The following LINGO2 variants were observed in gnomAD, a reference collection of about 807,000 sequenced individuals.
The protein encoded by LINGO2 is leucine-rich repeat and immunoglobulin-like domain-containing nogo receptor-interacting protein 2.
LINGO2 carries 14 observed loss-of-function variants against 30.6 expected under a neutral mutation model. The ratio of observed to expected loss-of-function variants is 0.46; its 90% CI spans 0.30 to 0.72. The LOEUF is 0.72. LINGO2 is among the 30% of genes least tolerant of loss of function. The probability of loss-of-function intolerance (pLI) is 0.07; values close to 1 mark genes in which losing one functional copy is unlikely to be tolerated. For missense variants in LINGO2, 729 were observed against 751.7 expected (o/e 0.97, Z 0.35); for synonymous variants, 317 against 288.5 (o/e 1.10, Z -1.00).
chr9:29,047,051 A>AAAAAAAAACAAAAAAAC, the LINGO2 span, among the ~76,000 whole-genome samples: 9 of 106,982 alleles, frequency 8.4e-5, no homozygotes, highest in African/African-American at 3.0e-4. Context: ...AAAAAAAAAA[A>AAAAAAAAACAAAAAAAC]CCAAAAACAA....
intron 5 of LINGO2, among the ~76,000 whole-genome samples, chr9:28,006,028 C>T (rs975270739): frequency 3.9e-5 from 6 of 152,034 alleles, no homozygotes; most frequent in Admixed American, 1.3e-4. Flanking sequence ...AAGCAATTAT[C>T]ACTGGGGTAA....
At chr9:28,048,484 G>T (rs1357556092) in intron 4 of LINGO2, among the ~76,000 whole-genome samples, 1 of 150,618 alleles carries the variant, frequency 6.6e-6, no homozygotes, top group Non-Finnish European at 1.5e-5. Context: ...TATTAAAAAA[G>T]CAAATGGATT....
At chr9:28,078,592 C>G (rs183614837) in intron 4 of LINGO2, among the ~76,000 whole-genome samples, 4 of 148,324 alleles carry the variant, frequency 2.7e-5, no homozygotes, top group Admixed American at 2.6e-4. Flanking sequence ...GGCTCATGCC[C>G]GTAATCCCAG....
intron 2 of LINGO2, among the ~76,000 whole-genome samples, chr9:28,423,955 G>A (rs979319418): frequency 6.6e-6 from 1 of 151,980 alleles, no homozygotes; most frequent in African/African-American, 2.4e-5. Context: ...GGTTTAAATA[G>A]AAAAATCATG....
At chr9:28,680,013 G>A in the LINGO2 span, among the ~76,000 whole-genome samples, 14 of 151,336 alleles carry the variant, frequency 9.3e-5, no homozygotes, top group Non-Finnish European at 5.9e-5. Flanking sequence ...GATTATATCT[G>A]GAATTATATT....
At chr9:28,110,805 A>G (rs539033188) in intron 4 of LINGO2, among the ~76,000 whole-genome samples, 1 of 152,342 alleles carries the variant, frequency 6.6e-6, no homozygotes, top group East Asian at 1.9e-4. Flanking sequence ...AAATTAGTTC[A>G]TCCATTTTGG....
chr9:28,381,682 C>A (rs116914780), intron 2 of LINGO2, among the ~76,000 whole-genome samples: 305 of 152,122 alleles, frequency 2.0e-3, no homozygotes, highest in Middle Eastern at 3.4e-3. Flanking sequence ...AGGAAATATT[C>A]ACCCTCTGCC....
At chr9:28,873,548 T>C in the LINGO2 span, among the ~76,000 whole-genome samples, 1 of 152,092 alleles carries the variant, frequency 6.6e-6, no homozygotes, top group Admixed American at 6.6e-5. Flanking sequence ...TTTCAGGTAA[T>C]TTTACCTTGG....
In LINGO2 at chr9:28,129,949, G is replaced by A. The variant is rs1035802862; in HGVS notation, c.-86-117544C>T. Among the ~76,000 whole-genome samples the A allele has an allele frequency of 2.6e-5, 4 of 152,200 alleles. No individual in the cohort carries two copies. Among genetic ancestry groups the A allele is most frequent in the African/African-American group, 9.6e-5 (4 of 41,460 alleles). Reference sequence around the variant, plus strand: ...TTTGAGCCAGAACATGTGAATCTTTGTGGTATAACAACTTATGTTCCAGTA... The same window carrying A: ...TTTGAGCCAGAACATGTGAATCTTTATGGTATAACAACTTATGTTCCAGTA... On this transcript the variant is annotated intron_variant, in intron 4 of 5. Transcript: ENST00000379992. This position sits in a 1 kb window ranked among gnomAD's most constrained non-coding sequence, Gnocchi z 4.0.
chr9:28,733,941 C>T, the LINGO2 span, among the ~76,000 whole-genome samples: 2 of 152,090 alleles, frequency 1.3e-5, no homozygotes, highest in South Asian at 2.1e-4. Context: ...CTGTATTTAA[C>T]TTCACAGCAA....
At chr9:29,020,094 G>A in the LINGO2 span, among the ~76,000 whole-genome samples, 1 of 152,148 alleles carries the variant, frequency 6.6e-6, no homozygotes, top group Non-Finnish European at 1.5e-5. Context: ...TTTAATGGGA[G>A]ATCCAATATA....
At chr9:28,705,848 T>C in the LINGO2 span, among the ~76,000 whole-genome samples, 1 of 152,150 alleles carries the variant, frequency 6.6e-6, no homozygotes, top group African/African-American at 2.4e-5. Flanking sequence ...TGATTCTCTA[T>C]ATCCAGTCCG....
intron 1 of LINGO2, among the ~76,000 whole-genome samples, chr9:28,638,244 C>T (rs142151553): frequency 0.061 from 9,267 of 152,220 alleles, 482 homozygotes; most frequent in Admixed American, 0.18. Flanking sequence ...AGGATTTCTG[C>T]ATCGATGTTC....
chr9:29,190,017 G>A, the LINGO2 span, among the ~76,000 whole-genome samples: 3 of 144,518 alleles, frequency 2.1e-5, no homozygotes, highest in Non-Finnish European at 1.5e-5. Context: ...AGAGGAAGAG[G>A]GAGACCGTGG....
the LINGO2 span, among the ~76,000 whole-genome samples, chr9:29,038,028 T>A: frequency 6.6e-6 from 1 of 152,072 alleles, no homozygotes; most frequent in Non-Finnish European, 1.5e-5. Flanking sequence ...AAAGTATTTA[T>A]GTTGATGATA....
chr9:28,403,658 T>G (rs1822367783), intron 2 of LINGO2, among the ~76,000 whole-genome samples: 1 of 78,906 alleles, frequency 1.3e-5, no homozygotes, highest in African/African-American at 3.3e-5. Context: ...CCTCTCCTTT[T>G]TTTTTTTTTT....
At chr9:28,096,585 C>T (rs1221199795) in intron 4 of LINGO2, among the ~76,000 whole-genome samples, 1 of 152,052 alleles carries the variant, frequency 6.6e-6, no homozygotes, top group African/African-American at 2.4e-5. Flanking sequence ...AGAGAGACAG[C>T]ACTAATGACT....
chr9:29,088,241 C>A, the LINGO2 span, among the ~76,000 whole-genome samples: 3 of 152,068 alleles, frequency 2.0e-5, no homozygotes, highest in Admixed American at 2.0e-4. Context: ...TTTGAGTCCT[C>A]CATCTTCCTA....
At chr9:29,040,924 A>G in the LINGO2 span, among the ~76,000 whole-genome samples, 4 of 152,142 alleles carry the variant, frequency 2.6e-5, no homozygotes, top group African/African-American at 9.6e-5. Context: ...CACTGAGTCC[A>G]TTAATATACA....
Sources: allele counts gnomAD v4.1 joint callset (sites outside exome capture counted in the v4.1 genomes callset), GRCh38; gene constraint gnomAD v4.1.1; non-coding constraint Gnocchi (gnomAD v3.1); transcripts MANE v1.5; gene names NCBI Gene and HGNC (gene_info 2026-07-23, HGNC 2026-07-21).